DNAAF1: variants seen among roughly 807,000 people sequenced by gnomAD.
DNAAF1 encodes dynein assembly factor 1, axonemal.
Under a neutral mutation model 71.1 loss-of-function variants are expected in DNAAF1, and 65 were observed. That is an observed-to-expected ratio of 0.91 (90% CI 0.75 to 1.12). The LOEUF (loss-of-function observed/expected upper bound fraction) is 1.12. DNAAF1 is among the 50% of genes most tolerant of loss of function. The probability of loss-of-function intolerance (pLI) is 0.00; values close to 1 mark genes in which losing one functional copy is unlikely to be tolerated. For missense variants in DNAAF1, 1,178 were observed against 899.8 expected, an observed-to-expected ratio of 1.31 and a Z score of -3.96; for synonymous variants, 414 against 354.6, an observed-to-expected ratio of 1.17 and a Z score of -1.88.
At chr16:84,171,223 G>A (rs2088322597) in intron 8 of DNAAF1, among the ~76,000 whole-genome samples, 1 of 152,116 alleles carries the variant, frequency 6.6e-6, no homozygotes, top group East Asian at 1.9e-4. Flanking sequence ...ATTGCTTGAG[G>A]CCGGGAGTTC....
Position 84,149,009 on chromosome 16 carries a change from A to C in DNAAF1, c.127A>C (p.Ile43Leu). 1 of 1,614,086 alleles carries C rather than the reference A, an allele frequency of 6.2e-7. No homozygotes were observed. Among genetic ancestry groups the C allele is most frequent in the East Asian group, 2.2e-5 (1 of 44,874 alleles). ...ACCTGATCTCTTTTATTTTACAGAA[A>C]TTAATGATCCTAAGGAAATATGTGT... ...SAGRGGCKEEINDPKEICVGS... is the reference protein window; with the variant it reads ...SAGRGGCKEELNDPKEICVGS... Residue 43 changes from isoleucine (I) to leucine (L), a missense_variant and splice_region_variant, in exon 2 of 12, where the codon ATT becomes CTT. Transcript: ENST00000378553.
rs755205371 is a variant in DNAAF1, at chr16:84,146,744, C to CA, written c.124+1192dup. ...TGGGCAATGGAGCAAGACTCCGTCT[C>CA]AAAAAAAAAAAAGGAAAGAAGGAAG... On this transcript the variant is annotated intron_variant, in intron 1 of 11. Coordinates refer to ENST00000378553, the MANE Select transcript of DNAAF1 (RefSeq NM_178452.6). Among the ~76,000 whole-genome samples the CA allele has an allele frequency of 7.9e-3, 1,090 of 137,878 alleles. 10 individuals are homozygous for CA. Among genetic ancestry groups the CA allele is most frequent in the African/African-American group, 0.024 (900 of 37,674 alleles). The allele number at this position is 137,878 out of a possible 152,430, so 90.5% of individuals were successfully genotyped here.
intron 7 of DNAAF1, among the ~76,000 whole-genome samples, chr16:84,169,241 T>A (rs2088192776): frequency 7.0e-6 from 1 of 142,064 alleles, no homozygotes; most frequent in African/African-American, 2.5e-5. Flanking sequence ...GCCCAGCTAT[T>A]ATTATTTTTT....
Position 84,156,000 on chromosome 16 carries a change from C to T in DNAAF1, c.741+251C>T, listed in dbSNP as rs938851135. On this transcript the variant is annotated intron_variant, in intron 5 of 11. Coordinates refer to ENST00000378553, the MANE Select transcript of DNAAF1 (RefSeq NM_178452.6). ...TTTTTTGATATAGAGTTTCGCTCTT[C>T]TTGATCAGGCTAGAGTGCTGTGGCA... is the stretch of plus-strand genomic sequence containing the variant. Among the ~76,000 whole-genome samples, 6 of 151,766 alleles carry T rather than the reference C, an allele frequency of 4.0e-5. No individual in the cohort carries two copies. In the East Asian group the frequency reaches 9.7e-4, roughly 24 times the overall value.
chr16:84,174,246 A>C (rs1415955935), intron 9 of DNAAF1: 3 of 1,068,374 alleles, frequency 2.8e-6, no homozygotes, highest in Non-Finnish European at 3.4e-6. Context: ...AAACACCCAC[A>C]ATACAAAACA....
rs529539864 is a variant in DNAAF1 at position 84,167,979 on chromosome 16, C to T, written c.1031-1880C>T. 9.7e-4 allele frequency among the ~76,000 whole-genome samples: 147 copies of T among 151,688 alleles called. 1 individual carries two copies. The highest frequency in any genetic ancestry group is 3.1e-3 in the East Asian group (16 of 5,152). ...TTGCAGCGAGCCGAGATCGCACCAT[C>T]GCACTCCAGCCTGGGCGACAAGAGC... On this transcript the variant is annotated intron_variant, in intron 7 of 11. Transcript: ENST00000378553.
intron 8 of DNAAF1, among the ~76,000 whole-genome samples, chr16:84,171,590 G>A (rs1031248447): frequency 1.3e-5 from 2 of 152,204 alleles, no homozygotes; most frequent in Non-Finnish European, 2.9e-5. Context: ...CAGGAGGGGC[G>A]TGTGCCTGGC....
Position 84,145,523 on chromosome 16 carries a change from CG to C in DNAAF1, c.86del (p.Gly29ValfsTer60). 1 of 1,555,000 alleles carries C rather than the reference CG, an allele frequency of 6.4e-7. No homozygotes were observed. The part of the protein sequence containing the change: ...CAQEPGVEES[A>X]GDHGSAGRGG... ...CAGGAGCCCGGCGTGGAGGAGTCTG[CG>C]GGTGACCACGGGAGCGCAGGCCGAG... On this transcript the variant is annotated frameshift_variant, in exon 1 of 12. Coordinates refer to ENST00000378553, the MANE Select transcript of DNAAF1 (RefSeq NM_178452.6). LOFTEE classifies it high-confidence loss of function.
chr16:84,158,999 G>C, intron 5 of DNAAF1: 1 of 985,454 alleles, frequency 1.0e-6, no homozygotes, highest in Non-Finnish European at 1.2e-6. Flanking sequence ...CCAAAGTGCT[G>C]AGATTACAGG....
chr16:84,167,787 G>C (rs1025822432), intron 7 of DNAAF1, among the ~76,000 whole-genome samples: 1 of 152,028 alleles, frequency 6.6e-6, no homozygotes. Flanking sequence ...AGGCTGAGGC[G>C]GGTGGATCAC....
At chr16:84,171,491 G>A (rs144086626) in intron 8 of DNAAF1, among the ~76,000 whole-genome samples, 1 of 152,240 alleles carries the variant, frequency 6.6e-6, no homozygotes, top group African/African-American at 2.4e-5. Flanking sequence ...AAAAGTAGGG[G>A]CCTGGATGAG....
Position 84,155,567 on chromosome 16 carries a change from T to C in DNAAF1, c.575-16T>C. ...TTATGCCTTTGTTTTTGACTTCTGC[T>C]GACCTTACCTTCCAGCCTGCCTCCC... On this transcript the variant is annotated splice_polypyrimidine_tract_variant and intron_variant, in intron 4 of 11. Transcript: ENST00000378553. 3 of 1,614,010 alleles carry C rather than the reference T, an allele frequency of 1.9e-6. No individual in the cohort carries two copies. The highest frequency in any genetic ancestry group is 2.5e-6 in the Non-Finnish European group (3 of 1,179,972).
intron 5 of DNAAF1, among the ~76,000 whole-genome samples, chr16:84,158,033 G>A (rs186889071): frequency 7.8e-4 from 118 of 152,076 alleles, no homozygotes; most frequent in Middle Eastern, 6.8e-3. Flanking sequence ...TGGTGAAACC[G>A]TCTCTACTAA....
rs1270404368 is a variant in DNAAF1, at chr16:84,145,497, G to T, written c.57G>T (p.Ala19=). Residue 19 remains alanine, a synonymous_variant, in exon 1 of 12, where the codon GCG becomes GCT. Coordinates refer to ENST00000378553, the MANE Select transcript of DNAAF1 (RefSeq NM_178452.6). ...ATGGAAELDC[A]QEPGVEESAG... ...GTGGTGCAGCAGAGCTGGATTGCGC[G>T]CAGGAGCCCGGCGTGGAGGAGTCTG... 12 of 1,567,070 alleles carry T rather than the reference G, an allele frequency of 7.7e-6. No homozygotes were observed. Among genetic ancestry groups the T allele is most frequent in the Middle Eastern group, 1.7e-4 (1 of 5,840 alleles).
intron 5 of DNAAF1, among the ~76,000 whole-genome samples, chr16:84,157,529 A>T (rs1038700122): frequency 6.6e-6 from 1 of 151,858 alleles, no homozygotes; most frequent in African/African-American, 2.4e-5. Context: ...AAAAAAAAAA[A>T]AATTCCCGTC....
chr16:84,159,754 A>G lies in DNAAF1; in HGVS notation c.821A>G (p.His274Arg). ...AGGACAGTCACTGTACGACTAAAGC[A>G]CTTAACATACCTGGATGATAGACCA... is the stretch of plus-strand genomic sequence containing the variant. ...YRRTVTVRLKHLTYLDDRPVF... is the reference protein window; with the variant it reads ...YRRTVTVRLKRLTYLDDRPVF... Residue 274 changes from histidine to arginine, a missense_variant, in exon 6 of 12, where the codon CAC becomes CGC. Coordinates refer to ENST00000378553, the MANE Select transcript of DNAAF1 (RefSeq NM_178452.6). 1 of 1,614,074 alleles carries G rather than the reference A, an allele frequency of 6.2e-7. No individual in the cohort carries two copies. The highest frequency in any genetic ancestry group is 8.5e-7 in the Non-Finnish European group (1 of 1,179,946).
rs2288024 is a variant in DNAAF1 at position 84,177,859 on chromosome 16, T to C, written c.*18T>C. 0.038 allele frequency: 60,369 copies of C among 1,586,902 alleles called. 1,318 individuals carry two copies. The highest frequency in any genetic ancestry group is 0.046 in the Admixed American group (2,750 of 59,972). On this transcript the variant is annotated 3_prime_UTR_variant, in exon 12 of 12. Transcript: ENST00000378553. Reference sequence around the variant, plus strand: ...CATCATAGTTTTCCCCAGTTATATGTAGCATAAATGGTTTAATCATAAATG... The same window carrying C: ...CATCATAGTTTTCCCCAGTTATATGCAGCATAAATGGTTTAATCATAAATG...
At chr16:84,169,481 G>A (rs1034373554) in intron 7 of DNAAF1, among the ~76,000 whole-genome samples, 12 of 151,474 alleles carry the variant, frequency 7.9e-5, no homozygotes, top group Non-Finnish European at 1.3e-4. Context: ...GTGCAGTGGC[G>A]CGATCTTGGC....
intron 7 of DNAAF1, among the ~76,000 whole-genome samples, chr16:84,168,008 A>T (rs1597465547): frequency 6.7e-6 from 1 of 149,698 alleles, no homozygotes; most frequent in Non-Finnish European, 1.5e-5. Flanking sequence ...CAAGAGCGAA[A>T]CTCCATCTCA....
Sources: allele counts gnomAD v4.1 joint callset (sites outside exome capture counted in the v4.1 genomes callset), GRCh38; gene constraint gnomAD v4.1.1; transcripts MANE v1.5; gene names NCBI Gene and HGNC (gene_info 2026-07-23, HGNC 2026-07-21).